The following CAPZB variants were observed in gnomAD, a reference collection of about 807,000 sequenced individuals.
CAPZB encodes the protein capping actin protein of muscle Z-line subunit beta, also known as F-actin-capping protein subunit beta.
Under a neutral mutation model 38.1 loss-of-function variants are expected in CAPZB, and 2 were observed. That is an observed-to-expected ratio of 0.05 (90% confidence interval 0.02 to 0.17). The LOEUF (loss-of-function observed/expected upper bound fraction) is 0.17, where lower values mean the gene tolerates loss of function less well. Among genes scored for constraint, CAPZB ranks in the 10% least tolerant of loss-of-function variants. The probability of loss-of-function intolerance (pLI) is 1.00; values close to 1 mark genes in which losing one functional copy is unlikely to be tolerated. For synonymous variants in CAPZB, 107 were observed against 127.4 expected (o/e 0.84, Z 1.08); for missense variants, 161 against 334.2 (o/e 0.48, Z 4.04).
At chr1:19,476,922 G>A (rs570818521) in intron 1 of CAPZB, among the ~76,000 whole-genome samples, 1 of 152,206 alleles carries the variant, frequency 6.6e-6, no homozygotes, top group South Asian at 2.1e-4. Context: ...GCAGGAGAGG[G>A]GAATTCCATC....
chr1:19,425,062 CTTT>C (rs1454134970), intron 1 of CAPZB, among the ~76,000 whole-genome samples: 19 of 152,350 alleles, frequency 1.2e-4, no homozygotes, highest in African/African-American at 4.1e-4. Context: ...ATTTGTACTT[CTTT>C]GTGTCAATTA....
chr1:19,454,583 T>C (rs1358564640), intron 1 of CAPZB, among the ~76,000 whole-genome samples: 8 of 152,054 alleles, frequency 5.3e-5, no homozygotes, highest in African/African-American at 1.4e-4. Context: ...CAAATGACAA[T>C]TGTGGAAACC....
chr1:19,342,435 G>A (rs907706421), intron 8 of CAPZB, among the ~76,000 whole-genome samples: 3 of 152,350 alleles, frequency 2.0e-5, no homozygotes, highest in South Asian at 2.1e-4. Context: ...CAGTCAGGCC[G>A]GTGCACACAA....
At chr1:19,375,434 G>T (rs974000352) in intron 4 of CAPZB, among the ~76,000 whole-genome samples, 2 of 152,174 alleles carry the variant, frequency 1.3e-5, no homozygotes, top group Non-Finnish European at 2.9e-5. Flanking sequence ...CCCTGCACAT[G>T]CAAGGTAAGG....
intron 4 of CAPZB, among the ~76,000 whole-genome samples, chr1:19,366,108 G>C (rs1219218683): frequency 6.6e-6 from 1 of 151,594 alleles, no homozygotes; most frequent in Non-Finnish European, 1.5e-5. Flanking sequence ...GGTGTGTTCT[G>C]CTTCTGGGAT....
intron 8 of CAPZB, among the ~76,000 whole-genome samples, chr1:19,341,089 T>G (rs1171060255): frequency 6.6e-6 from 1 of 152,064 alleles, no homozygotes; most frequent in Non-Finnish European, 1.5e-5. Flanking sequence ...CTCAAAATAC[T>G]CAGCAGGTGC....
intron 3 of CAPZB, among the ~76,000 whole-genome samples, chr1:19,384,243 CCACTGCCCTCCCCT>C (rs1319280925): frequency 6.6e-6 from 1 of 152,168 alleles, no homozygotes; most frequent in Admixed American, 6.5e-5. Context: ...ATCTCCGCCC[CCACTGCCCTCCCCT>C]CACTGCCTTC....
At chr1:19,484,451 G>A (rs1426929487) in intron 1 of CAPZB, 6 of 1,484,408 alleles carry the variant, frequency 4.0e-6, no homozygotes, top group South Asian at 2.5e-5. Context: ...TGCTTCGCAC[G>A]CACAGCACCC....
Position 19,339,394 on chromosome 1 carries a change from C to T in CAPZB, c.*136G>A, listed in dbSNP as rs941420250. ...CGGCTTTATTCTCAGGGAGAGATGGCGCTGTGCGGTCAATGATGCAGCTGT... is the reference window on the plus strand; with the variant it reads ...CGGCTTTATTCTCAGGGAGAGATGGTGCTGTGCGGTCAATGATGCAGCTGT... On this transcript the variant is annotated 3_prime_UTR_variant, in exon 9 of 9. Transcript: ENST00000264202. 5.5e-6 allele frequency: 4 copies of T among 730,658 alleles called. No individual in the cohort carries two copies. Among genetic ancestry groups the T allele is most frequent in the Non-Finnish European group, 7.4e-6 (3 of 403,824 alleles). 45.3% of individuals were successfully genotyped at this position (730,658 alleles called of 1,614,324 possible).
chr1:19,392,821 G>A (rs1384067989), intron 2 of CAPZB, among the ~76,000 whole-genome samples: 1 of 152,176 alleles, frequency 6.6e-6, no homozygotes, highest in Admixed American at 6.5e-5. Flanking sequence ...ATGTATAATA[G>A]GTAATACATT....
At chr1:19,442,885 C>T (rs963386677) in intron 1 of CAPZB, among the ~76,000 whole-genome samples, 2 of 152,118 alleles carry the variant, frequency 1.3e-5, no homozygotes, top group African/African-American at 2.4e-5. Context: ...TACACAAATA[C>T]ACCTCCTCTG....
At chr1:19,388,017 A>G (rs1411566664) in intron 2 of CAPZB, among the ~76,000 whole-genome samples, 1 of 152,194 alleles carries the variant, frequency 6.6e-6, no homozygotes, top group African/African-American at 2.4e-5. Flanking sequence ...GTACAAACGT[A>G]CCTGTGAGGA....
chr1:19,391,444 G>T (rs1244401047), intron 2 of CAPZB, among the ~76,000 whole-genome samples: 1 of 150,050 alleles, frequency 6.7e-6, no homozygotes, highest in Non-Finnish European at 1.5e-5. Flanking sequence ...ATCAAAAACA[G>T]ATTCTGCGTA....
chr1:19,477,659 G>T (rs182271623), intron 1 of CAPZB, among the ~76,000 whole-genome samples: 163 of 152,316 alleles, frequency 1.1e-3, no homozygotes, highest in Middle Eastern at 6.8e-3. Flanking sequence ...AACTGAGAAG[G>T]GAAAAGGGCA....
At chr1:19,342,769 T>C in intron 8 of CAPZB, 1 of 1,610,316 alleles carries the variant, frequency 6.2e-7, no homozygotes, top group African/African-American at 1.3e-5. Context: ...GGCTTAATTA[T>C]CAGGCTGGAT....
intron 1 of CAPZB, among the ~76,000 whole-genome samples, chr1:19,462,819 A>G (rs1446066551): frequency 6.6e-6 from 1 of 152,208 alleles, no homozygotes; most frequent in Non-Finnish European, 1.5e-5. Flanking sequence ...GCCTTCGATA[A>G]TTTCAATTTA....
At position 19,357,869 on chromosome 1, in the gene CAPZB, C is replaced by T. The variant is rs961936716; in HGVS notation, c.330-306G>A. ...TCACACTCCTCCCAGATAAAGAATG[C>T]AGCACGACTGACATCCAGTGACAAT... On this transcript the variant is annotated intron_variant, in intron 4 of 8. Transcript: ENST00000264202. The surrounding 1 kb of genome is among the most constrained non-coding windows in gnomAD (Gnocchi z 4.3). 7.9e-5 allele frequency among the ~76,000 whole-genome samples: 12 copies of T among 152,186 alleles called. No individual in the cohort carries two copies. Among genetic ancestry groups the T allele is most frequent in the African/African-American group, 2.7e-4 (11 of 41,446 alleles).
chr1:19,391,970 C>T (rs2094238235), intron 2 of CAPZB, among the ~76,000 whole-genome samples: 1 of 152,152 alleles, frequency 6.6e-6, no homozygotes, highest in African/African-American at 2.4e-5. Context: ...CACTTGAGTT[C>T]AGGAGTTCAA....
In CAPZB at chr1:19,386,472, G is replaced by A. The variant is rs111877474; in HGVS notation, c.94-846C>T. 6.4e-3 allele frequency among the ~76,000 whole-genome samples: 977 copies of A among 152,292 alleles called. 11 individuals are homozygous for A. Among genetic ancestry groups the A allele is most frequent in the African/African-American group, 0.022 (909 of 41,542 alleles). On this transcript the variant is annotated intron_variant, in intron 2 of 8. Transcript: ENST00000264202. Reference sequence around the variant, plus strand: ...CTGACTTATTTGTTTCATGGGCCTGGGTTTATGGGGGCTCCACCATATCGT... The same window carrying A: ...CTGACTTATTTGTTTCATGGGCCTGAGTTTATGGGGGCTCCACCATATCGT...
Sources: gnomAD v4.1 joint callset for allele counts (sites outside exome capture counted in the v4.1 genomes callset) on GRCh38, gnomAD v4.1.1 for gene constraint, Gnocchi (gnomAD v3.1) non-coding constraint, MANE v1.5 for transcripts, NCBI Gene and HGNC (gene_info 2026-07-23, HGNC 2026-07-21) for gene names.